The following CEP290 variants were observed in gnomAD, a reference collection of about 807,000 sequenced individuals.
CEP290 encodes the protein centrosomal protein of 290 kDa.
In CEP290, 317 loss-of-function variants were observed where a neutral mutation model predicts 344.9. The observed-to-expected ratio is 0.92, with a 90% CI of 0.84 to 1.01. CEP290 has a LOEUF of 1.01. CEP290 is among the 50% of genes least tolerant of loss of function. CEP290 has a pLI of 0.00. For synonymous variants in CEP290, 932 were observed against 895.8 expected, an observed-to-expected ratio of 1.04 and a Z score of -0.72; for missense variants, 2,754 against 2,761.4, an observed-to-expected ratio of 1.00 and a Z score of 0.06.
intron 26 of CEP290, among the ~76,000 whole-genome samples, chr12:88,100,812 T>C (rs1263475581): frequency 6.6e-6 from 1 of 151,878 alleles, no homozygotes; most frequent in African/African-American, 2.4e-5. Flanking sequence ...GAAACAGGAA[T>C]AGAAATTCAC....
At chr12:88,081,671 T>A (rs1007613350) in intron 37 of CEP290, among the ~76,000 whole-genome samples, 2 of 152,146 alleles carry the variant, frequency 1.3e-5, no homozygotes, top group Non-Finnish European at 2.9e-5. Flanking sequence ...CTAATACATA[T>A]CAAAATATGC....
intron 3 of CEP290, among the ~76,000 whole-genome samples, 167 bp from the exon 4 acceptor site, chr12:88,139,731 GTTTTTT>G (rs1006908440): frequency 6.6e-6 from 1 of 151,804 alleles, no homozygotes; most frequent in Non-Finnish European, 1.5e-5. Flanking sequence ...TTTTGTTTTT[GTTTTTT>G]TTGCTTTTGA....
chr12:88,084,913 C>G, intron 34 of CEP290, 61 bp from the exon 35 acceptor site: 2 of 1,321,400 alleles, frequency 1.5e-6, no homozygotes, highest in East Asian at 5.2e-5. Context: ...AATGCTTCAT[C>G]TGAATTTTAG....
At chr12:88,090,867 C>T (rs2036983168) in intron 29 of CEP290, 28 bp from the exon 30 acceptor site, 2 of 1,357,970 alleles carry the variant, frequency 1.5e-6, no homozygotes, top group African/African-American at 2.9e-5. Flanking sequence ...ATTTCAGGAA[C>T]AATTAAGTAC....
At chr12:88,115,273 G>T in intron 18 of CEP290, 91 bp from the exon 19 acceptor site, 2 of 778,352 alleles carry the variant, frequency 2.6e-6, no homozygotes, top group Non-Finnish European at 4.0e-6. Context: ...GATCAATTAA[G>T]TATAACAAAA....
At chr12:88,081,216 T>C (rs1228971337) in intron 37 of CEP290, among the ~76,000 whole-genome samples, 1 of 152,140 alleles carries the variant, frequency 6.6e-6, no homozygotes, top group Non-Finnish European at 1.5e-5. Flanking sequence ...CATCGCCAAA[T>C]GTCCCCAAGA....
intron 3 of CEP290, among the ~76,000 whole-genome samples, chr12:88,139,918 A>G (rs1248541731): frequency 6.6e-6 from 1 of 152,000 alleles, no homozygotes; most frequent in Non-Finnish European, 1.5e-5. Flanking sequence ...GTGTGCCATC[A>G]TGCTCGGCAA....
At chr12:88,071,261 C>T (rs776813863) in intron 43 of CEP290, 33 bp downstream of exon 43, 7 of 1,558,556 alleles carry the variant, frequency 4.5e-6, no homozygotes, top group Middle Eastern at 1.9e-4. Flanking sequence ...TTTTTCATTA[C>T]AATGGGTGGC....
At chr12:88,064,565 A>G (rs1212286111) in intron 44 of CEP290, among the ~76,000 whole-genome samples, 1 of 152,162 alleles carries the variant, frequency 6.6e-6, no homozygotes, top group African/African-American at 2.4e-5. Flanking sequence ...GAGGTATTCA[A>G]GTTAAAATGA....
intron 41 of CEP290, among the ~76,000 whole-genome samples, chr12:88,072,622 C>T (rs1343709402): frequency 6.6e-5 from 10 of 152,102 alleles, no homozygotes; most frequent in South Asian, 2.1e-4. Flanking sequence ...TCTGTACAAA[C>T]GACCAACCTC....
Position 88,111,267 on chromosome 12 carries a change from C to G in CEP290, c.2302G>C (p.Gly768Arg). 1.9e-6 allele frequency: 3 copies of G among 1,546,654 alleles called. No individual in the cohort carries two copies. The South Asian group carries it at 3.7e-5, about 19-fold the overall frequency. ...VVFKGIDLPD[G>R]IAPSSASIIN... ...ATACTGGCACTAGATGGTGCTATCC[C>G]ATCAGGTAAGTCAATTCCTTTAAAA... The change falls in exon 22 of 54, where the codon GGG becomes CGG. Residue 768 changes from glycine (G) to arginine (R), a missense_variant. Transcript: ENST00000552810.
intron 6 of CEP290, among the ~76,000 whole-genome samples, chr12:88,133,752 A>G (rs1015165715): frequency 2.0e-5 from 3 of 152,212 alleles, no homozygotes; most frequent in Admixed American, 6.5e-5. Context: ...TTATAATAAA[A>G]TGCAAACTAC....
chr12:88,076,281 T>A (rs2035765443), intron 41 of CEP290, among the ~76,000 whole-genome samples: 1 of 152,178 alleles, frequency 6.6e-6, no homozygotes, highest in Non-Finnish European at 1.5e-5. Context: ...TTAATGAATT[T>A]TCATAGAAAA....
chr12:88,085,551 C>T (rs2036516931), intron 34 of CEP290, among the ~76,000 whole-genome samples: 5 of 152,006 alleles, frequency 3.3e-5, no homozygotes, highest in Admixed American at 3.3e-4. Flanking sequence ...ATTCAGTTTA[C>T]ATTATTTTCT....
chr12:88,081,448 T>G (rs2036194227), intron 37 of CEP290, among the ~76,000 whole-genome samples: 1 of 152,252 alleles, frequency 6.6e-6, no homozygotes, highest in Non-Finnish European at 1.5e-5. Flanking sequence ...GCATTAAGTC[T>G]GTTAAACTGA....
intron 19 of CEP290, 150 bp from the exon 20 acceptor site, chr12:88,114,712 C>G: frequency 2.9e-6 from 2 of 695,860 alleles, no homozygotes; most frequent in South Asian, 4.8e-5. Context: ...AACTATAAAT[C>G]CAACGTGAAT....
chr12:88,079,063 T>C (rs1271385555), intron 39 of CEP290, 29 bp downstream of exon 39: 3 of 1,507,022 alleles, frequency 2.0e-6, no homozygotes, highest in Middle Eastern at 1.7e-4. Context: ...ATCAGAAATT[T>C]TGTTACATTA....
chr12:88,124,183 A>G (rs2039588510), intron 13 of CEP290, among the ~76,000 whole-genome samples: 1 of 152,070 alleles, frequency 6.6e-6, no homozygotes. Context: ...TTCTCACTTA[A>G]AAGCCAAGTC....
intron 33 of CEP290, 56 bp from the exon 34 acceptor site, chr12:88,086,229 T>C: frequency 1.9e-6 from 3 of 1,582,582 alleles, no homozygotes; most frequent in South Asian, 1.2e-5. Context: ...AGAGTAACTA[T>C]TAATTTTTAC....
Sources: allele counts gnomAD v4.1 joint callset (sites outside exome capture counted in the v4.1 genomes callset), GRCh38; gene constraint gnomAD v4.1.1; transcripts MANE v1.5; gene names NCBI Gene and HGNC (gene_info 2026-07-23, HGNC 2026-07-21).